Variants in ZFPM2 observed in about 807,000 individuals in gnomAD.
The protein encoded by ZFPM2 is zinc finger protein ZFPM2.
ZFPM2 carries 20 observed loss-of-function variants against 98.6 expected under a neutral mutation model. The observed-to-expected ratio is 0.20, with a 90% CI of 0.14 to 0.29. The LOEUF (loss-of-function observed/expected upper bound fraction) is 0.29, where lower values mean the gene tolerates loss of function less well. Ranked by LOEUF, ZFPM2 falls within the 10% of genes least tolerant of loss-of-function variation. ZFPM2 has a pLI of 1.00. For synonymous variants in ZFPM2, 518 were observed against 502.7 expected, an observed-to-expected ratio of 1.03 and a Z score of -0.41; for missense variants, 1,310 against 1,388.6, an observed-to-expected ratio of 0.94 and a Z score of 0.90.
At chr8:105,378,160 A>C in intron 1 of ZFPM2, among the ~76,000 whole-genome samples, 1 of 152,304 alleles carries the variant, frequency 6.6e-6, no homozygotes, top group East Asian at 1.9e-4. Flanking sequence ...AAAGAGCCCT[A>C]CCTTTAGAGT....
intron 5 of ZFPM2, among the ~76,000 whole-genome samples, chr8:105,786,041 C>CA (rs60740995): frequency 0.066 from 2,607 of 39,558 alleles, 276 homozygotes; most frequent in Middle Eastern, 0.1. Flanking sequence ...GACTCCGTCT[C>CA]AAAAAAAAAA....
intron 5 of ZFPM2, among the ~76,000 whole-genome samples, chr8:105,691,297 G>T (rs565557852): frequency 1.8e-5 from 2 of 109,740 alleles, no homozygotes; most frequent in African/African-American, 8.0e-5. Flanking sequence ...GCCGGACTGC[G>T]GACTGCAGTG....
chr8:105,755,752 T>C (rs1812583105), intron 5 of ZFPM2, among the ~76,000 whole-genome samples: 1 of 152,164 alleles, frequency 6.6e-6, no homozygotes, highest in Non-Finnish European at 1.5e-5. Flanking sequence ...TTTCTAATTT[T>C]ATAACCACCA....
chr8:105,578,927 T>A (rs1815526352), intron 4 of ZFPM2, among the ~76,000 whole-genome samples: 1 of 152,152 alleles, frequency 6.6e-6, no homozygotes, highest in Non-Finnish European at 1.5e-5. Context: ...ATGCTCATTA[T>A]GGCATTAACA....
chr8:105,562,490 G>A (rs1405412469), intron 4 of ZFPM2, among the ~76,000 whole-genome samples: 1 of 152,066 alleles, frequency 6.6e-6, no homozygotes, highest in Non-Finnish European at 1.5e-5. Flanking sequence ...TTGCAGTTAT[G>A]GAAGTCAGAA....
At chr8:105,360,696 T>A (rs1812840644) in intron 1 of ZFPM2, among the ~76,000 whole-genome samples, 1 of 148,130 alleles carries the variant, frequency 6.8e-6, no homozygotes. Context: ...ATTGTTCAAT[T>A]CCCACCTATG....
At chr8:105,509,973 G>A (rs752601928) in intron 3 of ZFPM2, among the ~76,000 whole-genome samples, 1 of 151,640 alleles carries the variant, frequency 6.6e-6, no homozygotes, top group Non-Finnish European at 1.5e-5. Flanking sequence ...ATTCCCCATC[G>A]ATTTCATATT....
At chr8:105,572,588 C>T (rs1440672418) in intron 4 of ZFPM2, among the ~76,000 whole-genome samples, 1 of 152,068 alleles carries the variant, frequency 6.6e-6, no homozygotes, top group Non-Finnish European at 1.5e-5. Context: ...CTGCCTCAGC[C>T]TCTCGAGTAG....
chr8:105,789,546 C>T (rs940254539), intron 6 of ZFPM2, among the ~76,000 whole-genome samples: 6 of 151,984 alleles, frequency 3.9e-5, no homozygotes, highest in African/African-American at 9.7e-5. Flanking sequence ...AATAAACATA[C>T]GTGTGCATGT....
At chr8:105,471,464 T>A (rs1812901770) in intron 3 of ZFPM2, among the ~76,000 whole-genome samples, 1 of 152,196 alleles carries the variant, frequency 6.6e-6, no homozygotes, top group African/African-American at 2.4e-5. Context: ...TACCACTTTA[T>A]CACTTTAAGA....
At chr8:105,720,949 A>T (rs1301471430) in intron 5 of ZFPM2, among the ~76,000 whole-genome samples, 1 of 151,916 alleles carries the variant, frequency 6.6e-6, no homozygotes, top group Non-Finnish European at 1.5e-5. Context: ...CGTTGTGTAA[A>T]TGAAAAAGCC....
At chr8:105,723,336 G>T (rs1218339763) in intron 5 of ZFPM2, among the ~76,000 whole-genome samples, 1 of 151,824 alleles carries the variant, frequency 6.6e-6, no homozygotes, top group East Asian at 2.0e-4. Flanking sequence ...TGGTATAATC[G>T]TTCCAGACTT....
intron 3 of ZFPM2, among the ~76,000 whole-genome samples, chr8:105,462,922 T>G (rs1242626253): frequency 1.3e-5 from 2 of 152,108 alleles, no homozygotes; most frequent in African/African-American, 4.8e-5. Flanking sequence ...TCAGTTCAAG[T>G]TGAAGTGCTA....
chr8:105,521,152 CAA>C (rs1324278798), intron 3 of ZFPM2, among the ~76,000 whole-genome samples: 10 of 145,940 alleles, frequency 6.9e-5, no homozygotes, highest in Non-Finnish European at 1.5e-5. Context: ...CACACACACA[CAA>C]ACACACACAC....
At chr8:105,786,778 T>G (rs946493743) in intron 5 of ZFPM2, among the ~76,000 whole-genome samples, 3 of 152,222 alleles carry the variant, frequency 2.0e-5, no homozygotes, top group African/African-American at 7.2e-5. Context: ...TCGTCCTATC[T>G]TATAGCTTAC....
At chr8:105,544,542 A>G (rs1814651030) in intron 3 of ZFPM2, among the ~76,000 whole-genome samples, 1 of 152,192 alleles carries the variant, frequency 6.6e-6, no homozygotes, top group Non-Finnish European at 1.5e-5. Flanking sequence ...CCACCTTGAT[A>G]ATAATTTCAT....
Position 105,461,010 on chromosome 8 carries a change from A to G in ZFPM2, c.301+16629A>G, listed in dbSNP as rs73302182. On this transcript the variant is annotated intron_variant, in intron 3 of 7. Coordinates refer to ENST00000407775, the MANE Select transcript of ZFPM2 (RefSeq NM_012082.4). ...CAAGAACAAGTAGACATTTTTTAAAAGCTTGAATTATTCATTTATAAAAAA... is the reference window on the plus strand; with the variant it reads ...CAAGAACAAGTAGACATTTTTTAAAGGCTTGAATTATTCATTTATAAAAAA... 6.6e-3 allele frequency among the ~76,000 whole-genome samples: 1,003 copies of G among 152,190 alleles called. 8 individuals carry two copies. Among genetic ancestry groups the G allele is most frequent in the African/African-American group, 0.023 (946 of 41,572 alleles).
chr8:105,330,622 A>C (rs1437381935), intron 1 of ZFPM2, among the ~76,000 whole-genome samples: 1 of 78,658 alleles, frequency 1.3e-5, no homozygotes, highest in African/African-American at 4.0e-5. Flanking sequence ...ACATATATAT[A>C]TATATATATA....
intron 5 of ZFPM2, among the ~76,000 whole-genome samples, chr8:105,665,224 C>T (rs190582992): frequency 1.3e-5 from 2 of 152,132 alleles, no homozygotes. Flanking sequence ...GCATTAATTC[C>T]TTCATGAGGG....
Sources: gnomAD v4.1 joint callset for allele counts (sites outside exome capture counted in the v4.1 genomes callset) on GRCh38, gnomAD v4.1.1 for gene constraint, MANE v1.5 for transcripts, NCBI Gene and HGNC (gene_info 2026-07-23, HGNC 2026-07-21) for gene names.